Variants in RFX3 observed in about 807,000 individuals in gnomAD.
RFX3 encodes transcription factor RFX3.
RFX3 carries 14 observed loss-of-function variants against 98.6 expected under a neutral mutation model. That is an observed-to-expected ratio of 0.14 (90% CI 0.09 to 0.22). The LOEUF (loss-of-function observed/expected upper bound fraction) is 0.22, where lower values mean the gene tolerates loss of function less well. Among genes scored for constraint, RFX3 ranks in the 10% least tolerant of loss-of-function variants. The pLI is 1.00. For synonymous variants in RFX3, 383 were observed against 328.4 expected (o/e 1.17, Z -1.80); for missense variants, 639 against 926.9 (o/e 0.69, Z 4.03).
At chr9:3,346,432 G>A (rs1317234734) in intron 3 of RFX3, among the ~76,000 whole-genome samples, 2 of 152,078 alleles carry the variant, frequency 1.3e-5, no homozygotes, top group African/African-American at 4.8e-5. Context: ...CTATTAAAGG[G>A]CATAAGACTT....
chr9:3,280,517 C>G (rs189316632), intron 7 of RFX3, among the ~76,000 whole-genome samples: 5 of 151,738 alleles, frequency 3.3e-5, no homozygotes, highest in African/African-American at 4.8e-5. Context: ...ATATCCTACC[C>G]CTACCCTCAC....
intron 15 of RFX3, among the ~76,000 whole-genome samples, chr9:3,241,503 G>A (rs1025458407): frequency 1.2e-4 from 18 of 152,048 alleles, no homozygotes; most frequent in Admixed American, 5.9e-4. Context: ...CGCAGCCCTG[G>A]GCTGCTGAGT....
At chr9:3,301,911 T>A (rs2130089325) in intron 4 of RFX3, among the ~76,000 whole-genome samples, 1 of 152,050 alleles carries the variant, frequency 6.6e-6, no homozygotes, top group South Asian at 2.1e-4. Context: ...TTTCTTCTTA[T>A]GAATAAACAT....
intron 2 of RFX3, among the ~76,000 whole-genome samples, chr9:3,369,807 G>C (rs1277686258): frequency 6.6e-6 from 1 of 151,998 alleles, no homozygotes; most frequent in African/African-American, 2.4e-5. Flanking sequence ...GATTTACAGA[G>C]CAGTTGTTTT....
intron 15 of RFX3, among the ~76,000 whole-genome samples, chr9:3,233,595 T>C (rs1241972913): frequency 1.3e-5 from 2 of 152,130 alleles, no homozygotes; most frequent in Non-Finnish European, 2.9e-5. Flanking sequence ...GCTCAGGGGA[T>C]TGGGATGAAG....
intron 2 of RFX3, among the ~76,000 whole-genome samples, chr9:3,363,514 T>A (rs1224729973): frequency 6.6e-6 from 1 of 152,212 alleles, no homozygotes; most frequent in Non-Finnish European, 1.5e-5. Flanking sequence ...ATGAATTATT[T>A]GTTTGCAGCC....
chr9:3,266,374 A>G (rs1823632274), intron 11 of RFX3, 69 bp from the exon 12 acceptor site: 1 of 990,896 alleles, frequency 1.0e-6, no homozygotes, highest in Non-Finnish European at 1.6e-6. Flanking sequence ...TGCTAGAATA[A>G]AAGAAAATGC....
intron 15 of RFX3, among the ~76,000 whole-genome samples, chr9:3,229,152 T>A (rs373393522): frequency 6.6e-6 from 1 of 152,198 alleles, no homozygotes; most frequent in Non-Finnish European, 1.5e-5. Context: ...CATTTTACCT[T>A]TTATTATTTC....
At chr9:3,329,988 C>G (rs1425085140) in intron 4 of RFX3, among the ~76,000 whole-genome samples, 1 of 152,106 alleles carries the variant, frequency 6.6e-6, no homozygotes. Context: ...TGGAAGACAG[C>G]TTATTAAAGC....
intron 2 of RFX3, among the ~76,000 whole-genome samples, chr9:3,394,362 C>T (rs1485007406): frequency 1.3e-5 from 2 of 152,098 alleles, no homozygotes; most frequent in Non-Finnish European, 2.9e-5. Flanking sequence ...ATTCTGGAGG[C>T]TGAGGCAGGA....
At chr9:3,508,050 G>T (rs1244390448) in intron 1 of RFX3, among the ~76,000 whole-genome samples, 1 of 151,894 alleles carries the variant, frequency 6.6e-6, no homozygotes, top group South Asian at 2.1e-4. Flanking sequence ...AGGCAATGAG[G>T]AATCCTGAAA....
intron 1 of RFX3, among the ~76,000 whole-genome samples, chr9:3,402,314 G>C (rs1841552570): frequency 6.6e-6 from 1 of 152,220 alleles, no homozygotes; most frequent in Non-Finnish European, 1.5e-5. Context: ...TTTAAATTCA[G>C]TACAGAAAAC....
intron 1 of RFX3, among the ~76,000 whole-genome samples, chr9:3,517,644 C>T (rs1818305907): frequency 6.6e-6 from 1 of 152,212 alleles, no homozygotes; most frequent in Non-Finnish European, 1.5e-5. Context: ...TCAACAACAG[C>T]AGGCATCTGT....
chr9:3,261,781 A>C (rs1822927818), intron 13 of RFX3, among the ~76,000 whole-genome samples: 1 of 152,140 alleles, frequency 6.6e-6, no homozygotes, highest in Non-Finnish European at 1.5e-5. Context: ...ATGAGGTTCC[A>C]ATGTTTTCAC....
At chr9:3,245,794 G>T (rs957916078) in intron 15 of RFX3, among the ~76,000 whole-genome samples, 1 of 152,082 alleles carries the variant, frequency 6.6e-6, no homozygotes, top group South Asian at 2.1e-4. Context: ...CTGTGACTGG[G>T]AGTTATGGTG....
intron 6 of RFX3, among the ~76,000 whole-genome samples, chr9:3,288,990 C>T (rs1256811950): frequency 2.6e-5 from 4 of 151,984 alleles, no homozygotes; most frequent in African/African-American, 9.7e-5. Flanking sequence ...CACAATTTCC[C>T]CATGTTCATG....
chr9:3,312,818 G>A (rs191341563), intron 4 of RFX3, among the ~76,000 whole-genome samples: 12 of 152,356 alleles, frequency 7.9e-5, no homozygotes, highest in East Asian at 7.7e-4. Context: ...GGCTGGGAGA[G>A]GGGCGTCCGC....
chr9:3,296,137 A>G (rs1827955305), intron 5 of RFX3, among the ~76,000 whole-genome samples: 1 of 151,978 alleles, frequency 6.6e-6, no homozygotes, highest in Non-Finnish European at 1.5e-5. Flanking sequence ...AGGATACTGT[A>G]AATTACCTTT....
At chr9:3,503,458 T>A (rs1022788650) in intron 1 of RFX3, among the ~76,000 whole-genome samples, 1 of 152,100 alleles carries the variant, frequency 6.6e-6, no homozygotes, top group African/African-American at 2.4e-5. Flanking sequence ...TAGAATAGCC[T>A]CGAATACTGT....
Sources: allele counts gnomAD v4.1 joint callset (sites outside exome capture counted in the v4.1 genomes callset), GRCh38; gene constraint gnomAD v4.1.1; transcripts MANE v1.5; gene names NCBI Gene and HGNC (gene_info 2026-07-23, HGNC 2026-07-21).